Variants in MYO5A observed in about 807,000 individuals in gnomAD.
MYO5A encodes the protein unconventional myosin-Va.
A neutral mutation model predicts 249.7 loss-of-function variants in MYO5A; 98 were observed. That is an observed-to-expected ratio of 0.39 (90% CI 0.33 to 0.46). The LOEUF (loss-of-function observed/expected upper bound fraction) is 0.46, where lower values mean the gene tolerates loss of function less well. Ranked by LOEUF, MYO5A falls within the 20% of genes least tolerant of loss-of-function variation. The probability of loss-of-function intolerance (pLI) is 0.98; values close to 1 mark genes in which losing one functional copy is unlikely to be tolerated. For missense variants in MYO5A, 1,696 were observed against 2,308.8 expected, an observed-to-expected ratio of 0.73 and a Z score of 5.44; for synonymous variants, 778 against 810.6, an observed-to-expected ratio of 0.96 and a Z score of 0.68.
At position 52,317,153 on chromosome 15, in the gene MYO5A, G is replaced by C; in HGVS notation, c.5304C>G (p.Thr1768=). 6.2e-7 allele frequency: 1 copy of C among 1,614,008 alleles called. No homozygotes were observed. The highest frequency in any genetic ancestry group is 8.5e-7 in the Non-Finnish European group (1 of 1,179,984). ...GAGCAGCCTGAATGAGAGGTTCCAG[G>C]GTTTCTTTAGCCCCACTATTCATCA... ...KNLMNSGAKE[T]LEPLIQAAQL... Residue 1768 remains threonine, a synonymous_variant, in exon 40 of 42, where the codon ACC becomes ACG. Transcript: ENST00000399233.
intron 1 of MYO5A, among the ~76,000 whole-genome samples, chr15:52,497,654 G>A (rs1347470150): frequency 5.3e-5 from 8 of 150,496 alleles, no homozygotes; most frequent in South Asian, 4.2e-4. Context: ...CTACTCGGGA[G>A]GCTGAGGCAA....
chr15:52,368,271 C>G (rs2040913331), intron 22 of MYO5A, among the ~76,000 whole-genome samples: 1 of 152,168 alleles, frequency 6.6e-6, no homozygotes. Context: ...TCTTTTCCCT[C>G]TGGACTGACC....
intron 4 of MYO5A, among the ~76,000 whole-genome samples, chr15:52,424,024 C>A (rs557351113): frequency 6.6e-6 from 1 of 152,310 alleles, no homozygotes; most frequent in Admixed American, 6.5e-5. Context: ...AGTCTAGCCA[C>A]CCATGTGATT....
intron 37 of MYO5A, 27 bp downstream of exon 37, chr15:52,323,328 C>G (rs772757032): frequency 6.3e-7 from 1 of 1,576,704 alleles, no homozygotes; most frequent in African/African-American, 1.4e-5. Flanking sequence ...GTATAGCATG[C>G]TGGTTTTGTA....
intron 3 of MYO5A, 150 bp from the exon 4 acceptor site, chr15:52,426,124 T>C (rs976672075): frequency 1.3e-6 from 1 of 751,740 alleles, no homozygotes. Flanking sequence ...AGGATCAAAA[T>C]GTATCATAGC....
rs2076824149 is a variant in MYO5A at position 52,486,520 on chromosome 15, T to C, written c.27+42260A>G. On this transcript the variant is annotated intron_variant, in intron 1 of 41. Coordinates refer to ENST00000399233, the MANE Select transcript of MYO5A (RefSeq NM_001382347.1). ...GTGTTTTTAAATGAGTAGTTTTATT[T>C]TCTTCCCATTTTAAAAGAGATTAGA... Among the ~76,000 whole-genome samples the C allele has an allele frequency of 2.6e-5, 4 of 152,228 alleles. No homozygotes were observed. In the South Asian group the frequency reaches 8.3e-4, roughly 31 times the overall value.
intron 25 of MYO5A, among the ~76,000 whole-genome samples, chr15:52,357,452 C>CAAAAAAA (rs35645503): frequency 1.1e-5 from 1 of 93,736 alleles, no homozygotes; most frequent in African/African-American, 3.2e-5. Context: ...CTAGAACTAG[C>CAAAAAAA]AAAAAAAAAA....
intron 4 of MYO5A, among the ~76,000 whole-genome samples, chr15:52,417,041 T>A (rs1321111478): frequency 5.3e-5 from 8 of 152,232 alleles, no homozygotes; most frequent in Non-Finnish European, 1.2e-4. Context: ...ACAGTGAGTT[T>A]TTGCTGGTTC....
chr15:52,338,959 T>A (rs1024670041), intron 32 of MYO5A, among the ~76,000 whole-genome samples: 1 of 152,236 alleles, frequency 6.6e-6, no homozygotes, highest in Admixed American at 6.5e-5. Context: ...AAAGCATTGT[T>A]AGTTTAATTT....
intron 2 of MYO5A, among the ~76,000 whole-genome samples, chr15:52,429,899 T>C (rs1050229547): frequency 6.6e-6 from 1 of 152,134 alleles, no homozygotes; most frequent in Non-Finnish European, 1.5e-5. Flanking sequence ...TGACCATTAC[T>C]AGCCACTATT....
chr15:52,318,521 GA>G (rs1484690899), intron 39 of MYO5A, among the ~76,000 whole-genome samples: 2 of 151,550 alleles, frequency 1.3e-5, no homozygotes, highest in Non-Finnish European at 2.9e-5. Context: ...TTATGCTGAG[GA>G]GTATTGGGCA....
Position 52,370,266 on chromosome 15 carries a change from T to C in MYO5A, c.2969A>G (p.Glu990Gly). ...GTCTTTCCGGAGCTTGGCAATTTCT[T>C]CCTGCAGACTAAGGACCCGCCCAGT... Reference protein sequence around the residue: ...VATGRVLSLQEEIAKLRKDLE... With the variant: ...VATGRVLSLQGEIAKLRKDLE... The change falls in exon 22 of 42, where the codon GAA becomes GGA. Residue 990 changes from glutamate to glycine, a missense_variant. This residue lies in a region of MYO5A where 412 missense variants were observed against 453.3 expected (regional missense o/e 0.91). Coordinates refer to ENST00000399233, the MANE Select transcript of MYO5A (RefSeq NM_001382347.1). 1 of 1,614,158 alleles carries C rather than the reference T, an allele frequency of 6.2e-7. No homozygotes were observed. The highest frequency in any genetic ancestry group is 8.5e-7 in the Non-Finnish European group (1 of 1,180,002).
intron 9 of MYO5A, among the ~76,000 whole-genome samples, chr15:52,398,002 G>C (rs2141188140): frequency 6.6e-6 from 1 of 152,188 alleles, no homozygotes; most frequent in East Asian, 1.9e-4. Flanking sequence ...GGTGCTAACT[G>C]GGTGAAAGGA....
chr15:52,449,927 G>C (rs1308776908), intron 1 of MYO5A, among the ~76,000 whole-genome samples: 2 of 152,114 alleles, frequency 1.3e-5, no homozygotes, highest in African/African-American at 4.8e-5. Context: ...GCTTGAGCCT[G>C]GGAGGTCAAG....
chr15:52,528,962 G>A, upstream of MYO5A: 3 of 430,696 alleles, frequency 7.0e-6, no homozygotes, highest in South Asian at 2.8e-4. Flanking sequence ...GGCGGGGCGG[G>A]GCGCCTCAGG....
At chr15:52,450,855 T>TGTTTTTTG (rs1555454757) in intron 1 of MYO5A, among the ~76,000 whole-genome samples, 11 of 144,452 alleles carry the variant, frequency 7.6e-5, no homozygotes, top group Admixed American at 3.5e-4. Flanking sequence ...TTTTTTTTTT[T>TGTTTTTTG]TTTTTTTTTT....
intron 36 of MYO5A, 40 bp from the exon 37 acceptor site, chr15:52,323,484 G>A (rs916037668): frequency 1.3e-6 from 2 of 1,504,126 alleles, no homozygotes; most frequent in South Asian, 1.1e-5. Flanking sequence ...TTTTCCTTAG[G>A]GAAATAACAA....
Position 52,343,199 on chromosome 15 carries a change from T to C in MYO5A, c.3960-2A>G. On this transcript the variant is annotated splice_acceptor_variant, in intron 30 of 41. Coordinates refer to ENST00000399233, the MANE Select transcript of MYO5A (RefSeq NM_001382347.1). LOFTEE classifies it high-confidence loss of function. ...TCATGGTAATCCAGAGCAGATGATC[T>C]TCCATGCAAAAGGAACAACAATGCA... is the stretch of plus-strand genomic sequence containing the variant. 1 of 1,612,906 alleles carries C rather than the reference T, an allele frequency of 6.2e-7. No individual in the cohort carries two copies. The highest frequency in any genetic ancestry group is 8.5e-7 in the Non-Finnish European group (1 of 1,178,888).
At position 52,359,990 on chromosome 15, in the gene MYO5A, T is replaced by C. The variant is rs780699693; in HGVS notation, c.3401A>G (p.Glu1134Gly). 5.0e-6 allele frequency: 8 copies of C among 1,612,184 alleles called. No homozygotes were observed. Among genetic ancestry groups the C allele is most frequent in the South Asian group, 4.4e-5 (4 of 90,930 alleles). Residue 1134 changes from glutamate to glycine, a missense_variant, in exon 25 of 42, where the codon GAA becomes GGA. Glu to Gly is a moderately conservative substitution (Grantham distance 98). Around this residue, in one of 5 missense-constraint regions of MYO5A, gnomAD observed 412 missense variants for 453.3 expected, o/e 0.91. Coordinates refer to ENST00000399233, the MANE Select transcript of MYO5A (RefSeq NM_001382347.1). Reference sequence around the variant, plus strand: ...TACCTCTGTCCTTGATGGAATGTCTTCCATTTCTGCAATTTCAGAGCTAAA... The same window carrying C: ...TACCTCTGTCCTTGATGGAATGTCTCCCATTTCTGCAATTTCAGAGCTAAA... ...YIFSSEIAEM[E>G]DIPSRTEEPS...
Sources: gnomAD v4.1 joint callset for allele counts (sites outside exome capture counted in the v4.1 genomes callset) on GRCh38, gnomAD v4.1.1 for gene constraint, gnomAD v4.1.1 regional missense constraint, MANE v1.5 for transcripts, NCBI Gene and HGNC (gene_info 2026-07-23, HGNC 2026-07-21) for gene names.